The following FAM135B variants were observed in gnomAD, a reference collection of about 807,000 sequenced individuals.
FAM135B encodes the protein family with sequence similarity 135 member B, also known as protein FAM135B.
Under a neutral mutation model 127.7 loss-of-function variants are expected in FAM135B, and 43 were observed. The observed-to-expected ratio is 0.34, with a 90% CI of 0.26 to 0.43. The LOEUF is 0.43. Ranked by LOEUF, FAM135B falls within the 20% of genes least tolerant of loss-of-function variation. The pLI, the probability that FAM135B is intolerant of heterozygous loss-of-function variation, is 1.00. For synonymous variants in FAM135B, 670 were observed against 665.1 expected (o/e 1.01, Z -0.11); for missense variants, 1,558 against 1,725.6 (o/e 0.90, Z 1.72).
intron 12 of FAM135B, among the ~76,000 whole-genome samples, chr8:138,162,761 C>T (rs1445728234): frequency 6.6e-6 from 1 of 152,222 alleles, no homozygotes; most frequent in Non-Finnish European, 1.5e-5. Context: ...CACTCTGCTC[C>T]AGCTTTGGTT....
At chr8:138,443,988 C>A (rs950998113) in intron 1 of FAM135B, among the ~76,000 whole-genome samples, 25 of 152,048 alleles carry the variant, frequency 1.6e-4, no homozygotes, top group Non-Finnish European at 3.2e-4. Context: ...CAAAAAAGGG[C>A]AGGGGTTGCA....
rs1156893228 is a variant in FAM135B, at chr8:138,250,925, G to A, written c.458C>T (p.Pro153Leu). 9.3e-6 allele frequency: 15 copies of A among 1,613,724 alleles called. No homozygotes were observed. Among genetic ancestry groups the A allele is most frequent in the South Asian group, 2.2e-5 (2 of 91,050 alleles). ...CAGGTGGAAATAGTCGAACATGACC[G>A]GGACCTGGTGGTGCAGACCATTCCG... The part of the protein sequence containing the change: ...HPRNGLHHQV[P>L]VMFDYFHLSV... The change falls in exon 6 of 20, where the codon CCG (proline) becomes CTG (leucine). Residue 153 changes from proline (P) to leucine (L), a missense_variant. Physicochemically the swap from Pro to Leu is moderately conservative, Grantham distance 98. Around this residue, in one of 5 missense-constraint regions of FAM135B, gnomAD observed 199 missense variants for 245.7 expected, o/e 0.81. Transcript: ENST00000395297.
At chr8:138,251,707 A>G (rs1821708157) in intron 5 of FAM135B, among the ~76,000 whole-genome samples, 2 of 151,920 alleles carry the variant, frequency 1.3e-5, no homozygotes, top group South Asian at 2.1e-4. Flanking sequence ...ACCCAACAGC[A>G]TCTTTGGTGA....
intron 1 of FAM135B, among the ~76,000 whole-genome samples, chr8:138,489,486 A>G (rs1366992477): frequency 6.6e-6 from 1 of 152,160 alleles, no homozygotes; most frequent in Non-Finnish European, 1.5e-5. Context: ...CCCAGTCTCC[A>G]TGCCTCCTGT....
At chr8:138,296,474 A>G (rs1825491418) in intron 3 of FAM135B, among the ~76,000 whole-genome samples, 2 of 152,178 alleles carry the variant, frequency 1.3e-5, no homozygotes, top group South Asian at 2.1e-4. Context: ...TCAATCTTAC[A>G]TGGAAGTCTA....
rs1021766393 is a variant in FAM135B, at chr8:138,151,465, T to G, written c.3010A>C (p.Lys1004Gln). The change falls in exon 13 of 20, where the codon AAG (lysine) becomes CAG (glutamine). Residue 1004 changes from lysine to glutamine, a missense_variant. Around this residue, in one of 5 missense-constraint regions of FAM135B, gnomAD observed 923 missense variants for 865.3 expected, o/e 1.07. Coordinates refer to ENST00000395297, the MANE Select transcript of FAM135B (RefSeq NM_015912.4). ...HSQVLKNQEL[K>Q]AGTSIMGSHL... ...GACCCCATGATGGAAGTGCCTGCCT[T>G]CAGCTCTTGGTTTTTCAAAACCTGG... 1 of 1,614,138 alleles carries G rather than the reference T, an allele frequency of 6.2e-7. No homozygotes were observed. Among genetic ancestry groups the G allele is most frequent in the African/African-American group, 1.3e-5 (1 of 74,958 alleles).
chr8:138,163,219 T>A (rs761653187), intron 12 of FAM135B, among the ~76,000 whole-genome samples: 6 of 152,094 alleles, frequency 3.9e-5, no homozygotes, highest in Non-Finnish European at 8.8e-5. Context: ...TTTGCCCAAT[T>A]TCACACGGTT....
intron 5 of FAM135B, among the ~76,000 whole-genome samples, chr8:138,253,725 A>G (rs1196173787): frequency 2.0e-5 from 3 of 152,136 alleles, no homozygotes; most frequent in African/African-American, 4.8e-5. Flanking sequence ...GCCGCCAGAC[A>G]AGACAAATTT....
At chr8:138,176,214 T>C (rs1200546738) in intron 11 of FAM135B, among the ~76,000 whole-genome samples, 1 of 152,236 alleles carries the variant, frequency 6.6e-6, no homozygotes, top group African/African-American at 2.4e-5. Context: ...TTTGAGTCTG[T>C]CTCCTCTGTG....
At chr8:138,382,275 T>TA (rs1831904541) in intron 1 of FAM135B, among the ~76,000 whole-genome samples, 2 of 152,170 alleles carry the variant, frequency 1.3e-5, no homozygotes, top group African/African-American at 4.8e-5. Context: ...CAATGGTTTC[T>TA]AAAATTTCTC....
intron 1 of FAM135B, among the ~76,000 whole-genome samples, chr8:138,462,246 A>G (rs1320463188): frequency 6.6e-6 from 1 of 152,090 alleles, no homozygotes; most frequent in Admixed American, 6.5e-5. Flanking sequence ...ACTGATTTCT[A>G]CTTGTCATAT....
At chr8:138,147,892 A>G (rs1404217329) in intron 14 of FAM135B, among the ~76,000 whole-genome samples, 1 of 152,210 alleles carries the variant, frequency 6.6e-6, no homozygotes, top group Non-Finnish European at 1.5e-5. Flanking sequence ...CTGGTCATGC[A>G]TGACATCGAG....
intron 1 of FAM135B, among the ~76,000 whole-genome samples, chr8:138,383,348 T>C (rs911271205): frequency 2.6e-5 from 4 of 152,192 alleles, no homozygotes; most frequent in Admixed American, 1.3e-4. Flanking sequence ...GTTTTCCTTA[T>C]CTGTAAAAAC....
chr8:138,174,022 G>T (rs750540952), intron 11 of FAM135B, among the ~76,000 whole-genome samples: 49 of 152,178 alleles, frequency 3.2e-4, no homozygotes, highest in Admixed American at 2.7e-3. Flanking sequence ...TGGCAACCCA[G>T]TGCAATCACA....
At chr8:138,181,196 G>A (rs1814999172) in intron 9 of FAM135B, among the ~76,000 whole-genome samples, 2 of 151,978 alleles carry the variant, frequency 1.3e-5, no homozygotes, top group Admixed American at 6.6e-5. Flanking sequence ...AGCCGAGATC[G>A]CACCACTACA....
intron 1 of FAM135B, among the ~76,000 whole-genome samples, chr8:138,391,842 C>G (rs1587330604): frequency 1.3e-5 from 2 of 152,262 alleles, no homozygotes; most frequent in East Asian, 3.9e-4. Flanking sequence ...TGCAACTTGC[C>G]TGAGGGTCAC....
chr8:138,305,612 A>C (rs1278096209), intron 3 of FAM135B, among the ~76,000 whole-genome samples: 2 of 152,180 alleles, frequency 1.3e-5, no homozygotes, highest in Non-Finnish European at 2.9e-5. Context: ...AATGTCTTAC[A>C]CCTGTTTTAT....
At chr8:138,280,414 C>T (rs1033571411) in intron 3 of FAM135B, among the ~76,000 whole-genome samples, 8 of 151,820 alleles carry the variant, frequency 5.3e-5, no homozygotes, top group African/African-American at 1.9e-4. Flanking sequence ...GGTGCAGAGG[C>T]AACCACCAAG....
At chr8:138,282,801 A>C (rs1320125897) in intron 3 of FAM135B, among the ~76,000 whole-genome samples, 2 of 152,218 alleles carry the variant, frequency 1.3e-5, no homozygotes, top group Non-Finnish European at 2.9e-5. Flanking sequence ...GCAACATCTT[A>C]CCATGTGATC....
Sources: gnomAD v4.1 joint callset for allele counts (sites outside exome capture counted in the v4.1 genomes callset) on GRCh38, gnomAD v4.1.1 for gene constraint, gnomAD v4.1.1 regional missense constraint, MANE v1.5 for transcripts, NCBI Gene and HGNC (gene_info 2026-07-23, HGNC 2026-07-21) for gene names.